GALNT10: variants seen among roughly 807,000 people sequenced by gnomAD.
GALNT10 encodes the protein GalNAc transferase 10.
A neutral mutation model predicts 75.0 loss-of-function variants in GALNT10; 41 were observed. The observed-to-expected ratio is 0.55, with a 90% CI of 0.43 to 0.71. The LOEUF (loss-of-function observed/expected upper bound fraction) is 0.71, where lower values mean the gene tolerates loss of function less well. Among genes scored for constraint, GALNT10 ranks in the 30% least tolerant of loss-of-function variants. The pLI is 0.00. For synonymous variants in GALNT10, 302 were observed against 313.0 expected, an observed-to-expected ratio of 0.96 and a Z score of 0.37; for missense variants, 727 against 818.5, an observed-to-expected ratio of 0.89 and a Z score of 1.36.
chr5:154,323,126 G>T (rs796423454), intron 3 of GALNT10, among the ~76,000 whole-genome samples: 10 of 152,336 alleles, frequency 6.6e-5, no homozygotes, highest in African/African-American at 2.4e-4. Flanking sequence ...TAACGGGCCA[G>T]ATAGTAAATG....
intron 9 of GALNT10, among the ~76,000 whole-genome samples, chr5:154,410,038 A>G (rs892628019): frequency 1.3e-5 from 2 of 152,222 alleles, no homozygotes; most frequent in African/African-American, 2.4e-5. Flanking sequence ...ATTCAGATTA[A>G]CAGCATGTAA....
rs1201863629 is a variant in GALNT10 at position 154,293,613 on chromosome 5, A to ATTTTTTTTTTTTTTTTTTTT, written c.160-1193_160-1192insTTTTTTTTTTTTTTTTTTTT. Among the ~76,000 whole-genome samples the ATTTTTTTTTTTTTTTTTTTT allele has an allele frequency of 5.6e-3, 613 of 109,172 alleles. 9 individuals carry two copies. Among genetic ancestry groups the ATTTTTTTTTTTTTTTTTTTT allele is most frequent in the Non-Finnish European group, 9.5e-3 (494 of 52,260 alleles). 71.6% of individuals were successfully genotyped at this position (109,172 alleles called of 152,430 possible). On this transcript the variant is annotated intron_variant, in intron 1 of 11. Transcript: ENST00000297107. ...GGGGCTGATATATATATATATATAT[A>ATTTTTTTTTTTTTTTTTTTT]TTTTTTTTTTCCTTTCAGCCATTCA...
chr5:154,327,228 A>AAAAG (rs1754768818), intron 3 of GALNT10, among the ~76,000 whole-genome samples: 1 of 71,150 alleles, frequency 1.4e-5, no homozygotes, highest in Non-Finnish European at 3.0e-5. Context: ...AAAAATAAAA[A>AAAAG]ATAAAATATA....
intron 1 of GALNT10, among the ~76,000 whole-genome samples, chr5:154,256,366 T>A (rs866240500): frequency 6.6e-6 from 1 of 150,784 alleles, no homozygotes; most frequent in South Asian, 2.1e-4. Flanking sequence ...TTTTTTTTTT[T>A]AATATTGTGT....
chr5:154,391,136 G>C (rs143726583), intron 7 of GALNT10, among the ~76,000 whole-genome samples: 120 of 152,300 alleles, frequency 7.9e-4, no homozygotes, highest in Non-Finnish European at 8.8e-5. Context: ...CTGCCTGCAG[G>C]GCTGAGGGGA....
chr5:154,389,761 TA>T (rs1385423833), intron 7 of GALNT10, among the ~76,000 whole-genome samples: 1 of 151,982 alleles, frequency 6.6e-6, no homozygotes, highest in Non-Finnish European at 1.5e-5. Flanking sequence ...ATAATACAAT[TA>T]AAAGTATACA....
At chr5:154,290,258 ATTT>A (rs71577131) in intron 1 of GALNT10, among the ~76,000 whole-genome samples, 3 of 98,918 alleles carry the variant, frequency 3.0e-5, no homozygotes, top group African/African-American at 1.2e-4. Flanking sequence ...CACTCAGCTA[ATTT>A]TTTTTTTTTT....
intron 7 of GALNT10, 158 bp from the exon 8 acceptor site, chr5:154,403,946 A>G: frequency 2.8e-6 from 2 of 703,116 alleles, no homozygotes; most frequent in Non-Finnish European, 5.3e-6. Context: ...CGCTGTTATT[A>G]TATTACTGTG....
chr5:154,332,358 C>A (rs79797952), intron 4 of GALNT10, among the ~76,000 whole-genome samples: 1,973 of 152,218 alleles, frequency 0.013, 40 homozygotes, highest in African/African-American at 0.043. Flanking sequence ...TCCCCAAAGA[C>A]CCAGCCACAG....
intron 3 of GALNT10, among the ~76,000 whole-genome samples, chr5:154,315,236 C>CA (rs1295951591): frequency 1.3e-5 from 2 of 152,210 alleles, no homozygotes; most frequent in East Asian, 3.8e-4. Context: ...TCCTTGGCTT[C>CA]ATGGTTACCT....
At chr5:154,283,745 C>A (rs887423612) in intron 1 of GALNT10, among the ~76,000 whole-genome samples, 1 of 152,198 alleles carries the variant, frequency 6.6e-6, no homozygotes, top group Non-Finnish European at 1.5e-5. Context: ...ACCCCTCTCC[C>A]CCTCTTGGGG....
intron 1 of GALNT10, among the ~76,000 whole-genome samples, chr5:154,235,230 C>G (rs1753227219): frequency 6.6e-6 from 1 of 152,168 alleles, no homozygotes; most frequent in Non-Finnish European, 1.5e-5. Context: ...ATGCCCCTGA[C>G]TAGCTGCAGA....
In GALNT10 at chr5:154,190,778, T is replaced by G; in HGVS notation, c.-89T>G. ...CCGCAGCCGCTTCTGCTGGCTGAGC[T>G]GCTGCCGCCGCCGGGCGGACGGGCG... On this transcript the variant is annotated 5_prime_UTR_variant, in exon 1 of 12. Transcript: ENST00000297107. 3 of 419,082 alleles carry G rather than the reference T, an allele frequency of 7.2e-6. No individual in the cohort carries two copies. Among genetic ancestry groups the G allele is most frequent in the Non-Finnish European group, 9.3e-6 (3 of 321,514 alleles). The allele number at this position is 419,082 out of a possible 1,614,324, so 26.0% of individuals were successfully genotyped here. A position where few individuals can be genotyped will look rare whatever the true frequency, so the allele number is the denominator to read the frequency against.
Position 154,247,242 on chromosome 5 carries a change from A to G in GALNT10, c.160-47574A>G, listed in dbSNP as rs368350020. Among the ~76,000 whole-genome samples, 357 of 152,234 alleles carry G rather than the reference A, an allele frequency of 2.3e-3. 1 individual carries two copies. The highest frequency in any genetic ancestry group is 3.6e-3 in the Non-Finnish European group (245 of 67,990). On this transcript the variant is annotated intron_variant, in intron 1 of 11. Coordinates refer to ENST00000297107, the MANE Select transcript of GALNT10 (RefSeq NM_198321.4). ...GTAGTATAGTTTGAAGTCAGGTAGC[A>G]TGATGCCTCCAGCTTTGTTCTTTTG...
At chr5:154,343,590 A>G (rs571877296) in intron 4 of GALNT10, among the ~76,000 whole-genome samples, 1 of 152,330 alleles carries the variant, frequency 6.6e-6, no homozygotes, top group African/African-American at 2.4e-5. Flanking sequence ...CTAGGCATGG[A>G]ATAAATTCCT....
Position 154,386,406 on chromosome 5 carries a change from G to C in GALNT10, c.1032G>C (p.Gly344=). ...GYDPGLEIWG[G]EQYEISFKVW... ...ACCCAGGCTTGGAGATCTGGGGAGG[G>C]GAGCAGTATGAAATCTCCTTCAAGG... The change falls in exon 7 of 12, where the codon GGG becomes GGC. Residue 344 remains glycine, a synonymous_variant. Transcript: ENST00000297107. The C allele has an allele frequency of 6.2e-7, 1 of 1,612,098 alleles. No individual in the cohort carries two copies. The highest frequency in any genetic ancestry group is 8.5e-7 in the Non-Finnish European group (1 of 1,178,148).
At chr5:154,210,207 G>C (rs1227167444) in intron 1 of GALNT10, among the ~76,000 whole-genome samples, 1 of 152,050 alleles carries the variant, frequency 6.6e-6, no homozygotes, top group African/African-American at 2.4e-5. Context: ...TACCCACACT[G>C]TGCCCTCACC....
chr5:154,409,434 CATAAA>C lies in GALNT10; in HGVS notation c.1165-102_1165-98del. ...GGTGGGGCTGGGATTTTTGATGGAACATAAAATAAGAAGGGTTGACCTCGACCTGC... is the reference window on the plus strand; with the variant it reads ...GGTGGGGCTGGGATTTTTGATGGAACATAAGAAGGGTTGACCTCGACCTGC... On this transcript the variant is annotated intron_variant, in intron 8 of 11. Transcript: ENST00000297107. This position sits in a 1 kb window ranked among gnomAD's most constrained non-coding sequence, Gnocchi z 4.5. 1 of 792,818 alleles carries C rather than the reference CATAAA, an allele frequency of 1.3e-6. No individual in the cohort carries two copies. Among genetic ancestry groups the C allele is most frequent in the Non-Finnish European group, 2.3e-6 (1 of 436,266 alleles). The allele number at this position is 792,818 out of a possible 1,614,324, so 49.1% of individuals were successfully genotyped here. A position where few individuals can be genotyped will look rare whatever the true frequency, so the allele number is the denominator to read the frequency against.
In GALNT10 at chr5:154,294,925, A is replaced by T. The variant is rs370020577; in HGVS notation, c.262+7A>T. 3.5e-6 allele frequency: 5 copies of T among 1,427,470 alleles called. No homozygotes were observed. In the East Asian group the frequency reaches 1.1e-4, roughly 32 times the overall value. The allele number at this position is 1,427,470 out of a possible 1,614,324, so 88.4% of individuals were successfully genotyped here. ...AGGGACGCTCAGCGCGTAGGTACGGAGGGCAGGATTGGCCATGGGTGGGCT... is the reference window on the plus strand; with the variant it reads ...AGGGACGCTCAGCGCGTAGGTACGGTGGGCAGGATTGGCCATGGGTGGGCT... On this transcript the variant is annotated splice_region_variant and intron_variant, in intron 2 of 11. Coordinates refer to ENST00000297107, the MANE Select transcript of GALNT10 (RefSeq NM_198321.4).
Sources: gnomAD v4.1 joint callset for allele counts (sites outside exome capture counted in the v4.1 genomes callset) on GRCh38, gnomAD v4.1.1 for gene constraint, Gnocchi (gnomAD v3.1) non-coding constraint, MANE v1.5 for transcripts, NCBI Gene and HGNC (gene_info 2026-07-23, HGNC 2026-07-21) for gene names.